CNTNAP5: variants seen among roughly 807,000 people sequenced by gnomAD.
CNTNAP5 encodes contactin associated protein family member 5, also known as contactin-associated protein-like 5.
Under a neutral mutation model 150.2 loss-of-function variants are expected in CNTNAP5, and 72 were observed. The observed-to-expected ratio is 0.48, with a 90% CI of 0.40 to 0.58. CNTNAP5 has a LOEUF of 0.58. Ranked by LOEUF, CNTNAP5 falls within the 20% of genes least tolerant of loss-of-function variation. CNTNAP5 has a pLI of 0.00. For missense variants in CNTNAP5, 1,636 were observed against 1,626.2 expected (o/e 1.01, Z -0.10); for synonymous variants, 672 against 619.8 (o/e 1.08, Z -1.25).
chr2:124,665,165 G>T (rs918520618), intron 13 of CNTNAP5, among the ~76,000 whole-genome samples: 2 of 152,110 alleles, frequency 1.3e-5, no homozygotes, highest in Admixed American at 6.5e-5. Flanking sequence ...AAATCAAAGG[G>T]TATATTTACA....
At chr2:124,257,164 T>C (rs532248393) in intron 3 of CNTNAP5, among the ~76,000 whole-genome samples, 1 of 152,324 alleles carries the variant, frequency 6.6e-6, no homozygotes, top group South Asian at 2.1e-4. Flanking sequence ...CTTCTGGACT[T>C]CTGGCCTCCA....
intron 3 of CNTNAP5, among the ~76,000 whole-genome samples, chr2:124,331,434 AT>A (rs1689347023): frequency 6.6e-6 from 1 of 152,038 alleles, no homozygotes; most frequent in African/African-American, 2.4e-5. Flanking sequence ...GTCAAACCTA[AT>A]TTTTTATTTG....
chr2:124,368,702 G>C (rs1231266879), intron 3 of CNTNAP5, among the ~76,000 whole-genome samples: 3 of 152,190 alleles, frequency 2.0e-5, no homozygotes, highest in Non-Finnish European at 4.4e-5. Context: ...ATGTAAAACA[G>C]ATCTGAACTG....
At chr2:124,602,150 C>T (rs950150161) in intron 11 of CNTNAP5, among the ~76,000 whole-genome samples, 1 of 151,886 alleles carries the variant, frequency 6.6e-6, no homozygotes, top group African/African-American at 2.4e-5. Context: ...CGAGACCAGC[C>T]TGGCCAACAG....
At chr2:124,901,793 G>C (rs921034084) in intron 21 of CNTNAP5, among the ~76,000 whole-genome samples, 2 of 152,138 alleles carry the variant, frequency 1.3e-5, no homozygotes, top group African/African-American at 4.8e-5. Flanking sequence ...CATGGGTGTT[G>C]ATGGAGGAGA....
intron 1 of CNTNAP5, among the ~76,000 whole-genome samples, chr2:124,211,280 G>A (rs1334106467): frequency 1.3e-5 from 2 of 152,182 alleles, no homozygotes; most frequent in Non-Finnish European, 2.9e-5. Context: ...AGCAGTAGCA[G>A]ATGAAGGTAA....
At chr2:124,272,499 AGAG>A (rs1687784680) in intron 3 of CNTNAP5, among the ~76,000 whole-genome samples, 1 of 152,182 alleles carries the variant, frequency 6.6e-6, no homozygotes, top group Non-Finnish European at 1.5e-5. Context: ...CCACCTCTTC[AGAG>A]GAGGGCAGAA....
At chr2:124,544,266 A>G (rs752272315) in intron 10 of CNTNAP5, among the ~76,000 whole-genome samples, 2 of 152,198 alleles carry the variant, frequency 1.3e-5, no homozygotes, top group African/African-American at 2.4e-5. Context: ...AAATGTGTCA[A>G]ATAAAAGTAG....
At chr2:124,761,884 C>A (rs757518205) in intron 14 of CNTNAP5, among the ~76,000 whole-genome samples, 1 of 152,094 alleles carries the variant, frequency 6.6e-6, no homozygotes, top group Non-Finnish European at 1.5e-5. Context: ...GACACAAAAA[C>A]ATCAAACTTT....
chr2:124,208,942 C>T (rs149812440), intron 1 of CNTNAP5, among the ~76,000 whole-genome samples: 150 of 152,240 alleles, frequency 9.9e-4, no homozygotes, highest in Middle Eastern at 3.4e-3. Context: ...TTCATGACAA[C>T]CCTCATTTGT....
At chr2:124,700,459 A>G (rs1257738030) in intron 13 of CNTNAP5, among the ~76,000 whole-genome samples, 4 of 152,060 alleles carry the variant, frequency 2.6e-5, no homozygotes, top group Admixed American at 2.6e-4. Context: ...AAGCTGCACC[A>G]TTTTACATTT....
chr2:124,902,751 G>T, intron 21 of CNTNAP5, 131 bp from the exon 22 acceptor site: 1 of 566,246 alleles, frequency 1.8e-6, no homozygotes, highest in Non-Finnish European at 3.1e-6. Flanking sequence ...GATAGATAGG[G>T]GAGGGTTTTC....
At chr2:124,240,340 T>C (rs1355036944) in intron 2 of CNTNAP5, among the ~76,000 whole-genome samples, 1 of 152,104 alleles carries the variant, frequency 6.6e-6, no homozygotes, top group Non-Finnish European at 1.5e-5. Flanking sequence ...CATCCATCAG[T>C]GGTGGAAAAG....
chr2:124,083,456 A>C (rs1241569991), intron 1 of CNTNAP5, among the ~76,000 whole-genome samples: 3 of 152,032 alleles, frequency 2.0e-5, no homozygotes, highest in Non-Finnish European at 4.4e-5. Context: ...AAAGTTTTTT[A>C]TTTGGTAAAG....
At chr2:124,303,338 A>C (rs1688610182) in intron 3 of CNTNAP5, among the ~76,000 whole-genome samples, 1 of 152,166 alleles carries the variant, frequency 6.6e-6, no homozygotes, top group Non-Finnish European at 1.5e-5. Context: ...CATGATACAC[A>C]TTTCTAAATG....
At chr2:124,731,836 G>A (rs1680278606) in intron 13 of CNTNAP5, among the ~76,000 whole-genome samples, 1 of 151,430 alleles carries the variant, frequency 6.6e-6, no homozygotes, top group Admixed American at 6.6e-5. Context: ...GGGTGTATAT[G>A]AGTGTAAGTG....
intron 3 of CNTNAP5, among the ~76,000 whole-genome samples, chr2:124,290,819 T>A (rs1251895252): frequency 6.6e-6 from 1 of 152,164 alleles, no homozygotes; most frequent in Non-Finnish European, 1.5e-5. Flanking sequence ...TTTCAACTCT[T>A]ACTCACCACA....
chr2:124,798,634 G>A (rs931073190), intron 19 of CNTNAP5, among the ~76,000 whole-genome samples: 4 of 152,136 alleles, frequency 2.6e-5, no homozygotes, highest in African/African-American at 4.8e-5. Context: ...AAGCATATCC[G>A]AATTTCAGAA....
In CNTNAP5 at chr2:124,578,948, G is replaced by A. The variant is rs577805544; in HGVS notation, c.1756+15625G>A. On this transcript the variant is annotated intron_variant, in intron 11 of 23. Coordinates refer to ENST00000682447, the MANE Select transcript of CNTNAP5 (RefSeq NM_001367498.1). ...CCTCTATGAAAGATAGAAGTGACAA[G>A]GGAGTCTGTTGTGCACACTCAAGGG... Among the ~76,000 whole-genome samples, 12 of 152,080 alleles carry A rather than the reference G, an allele frequency of 7.9e-5. No individual in the cohort carries two copies. In the South Asian group the frequency reaches 1.9e-3, roughly 24 times the overall value.
Sources: allele counts gnomAD v4.1 joint callset (sites outside exome capture counted in the v4.1 genomes callset), GRCh38; gene constraint gnomAD v4.1.1; transcripts MANE v1.5; gene names NCBI Gene and HGNC (gene_info 2026-07-23, HGNC 2026-07-21).